GABRQ: variants seen among roughly 807,000 people sequenced by gnomAD.
The protein encoded by GABRQ is gamma-aminobutyric acid receptor subunit theta.
Under a neutral mutation model 30.5 loss-of-function variants are expected in GABRQ, and 19 were observed. The ratio of observed to expected loss-of-function variants is 0.62; its 90% confidence interval spans 0.43 to 0.91. The LOEUF (loss-of-function observed/expected upper bound fraction) is 0.91, where lower values mean the gene tolerates loss of function less well. Among genes scored for constraint, GABRQ ranks in the 40% least tolerant of loss-of-function variants. The pLI is 0.00. For synonymous variants in GABRQ, 187 were observed against 210.2 expected, an observed-to-expected ratio of 0.89 and a Z score of 0.95; for missense variants, 520 against 521.4, an observed-to-expected ratio of 1.00 and a Z score of 0.03.
At chrX:152,644,820 A>G (rs1413057433) in intron 2 of GABRQ, among the ~76,000 whole-genome samples, 2 of 112,118 alleles carry the variant, frequency 1.8e-5, no homozygotes, top group Admixed American at 9.4e-5. Context: ...TCATATGTAT[A>G]TATGTTCACA....
chrX:152,645,541 G>A lies in GABRQ; in HGVS notation c.253G>A (p.Val85Met). The A allele has an allele frequency of 1.8e-6, 2 of 1,128,099 alleles. No individual in the cohort carries two copies. Among genetic ancestry groups the A allele is most frequent in the African/African-American group, 3.5e-5 (2 of 56,383 alleles). 93.0% of individuals were successfully genotyped at this position (1,128,099 alleles called of 1,213,427 possible). The part of the protein sequence containing the change: ...RPNFGGAPVP[V>M]RISIYVTSIE... ...CTGTCTTCTAGGTGCCCCTGTGCCTGTGAGAATATCTATTTATGTCACGAG... is the reference window on the plus strand; with the variant it reads ...CTGTCTTCTAGGTGCCCCTGTGCCTATGAGAATATCTATTTATGTCACGAG... The change falls in exon 3 of 9, where the codon GTG becomes ATG. Residue 85 changes from valine to methionine, a missense_variant. Physicochemically the swap from Val to Met is conservative, Grantham distance 21. Coordinates refer to ENST00000598523, the MANE Select transcript of GABRQ (RefSeq NM_018558.4).
rs782631724 is a variant in GABRQ at position 152,656,856 on chromosome X, G to A, written c.*3575G>A. 3 of 112,179 alleles carry A rather than the reference G, an allele frequency of 2.7e-5. No individual in the cohort carries two copies. Among genetic ancestry groups the A allele is most frequent in the Non-Finnish European group, 5.6e-5 (3 of 53,266 alleles). 9.2% of individuals were successfully genotyped at this position (112,179 alleles called of 1,213,427 possible). A position where few individuals can be genotyped will look rare whatever the true frequency, so the allele number is the denominator to read the frequency against. Reference sequence around the variant, plus strand: ...CCAACATCAAAGGAAATCGTGACTCGTCCTACTAGAAGTGTAGTGTCTTTG... The same window carrying A: ...CCAACATCAAAGGAAATCGTGACTCATCCTACTAGAAGTGTAGTGTCTTTG... On this transcript the variant is annotated 3_prime_UTR_variant, in exon 9 of 9. Transcript: ENST00000598523.
chrX:152,652,709 C>T lies in GABRQ; in HGVS notation c.1327C>T (p.Pro443Ser). The change falls in exon 9 of 9, where the codon CCC becomes TCC. Residue 443 changes from proline to serine, a missense_variant. Transcript: ENST00000598523. ...ACTCACTTCTCTCTCAGGCCAGGCC[C>T]CCCTGGCCACTGGAGAAAGCCTGAG... ...SPLTSLSGQA[P>S]LATGESLSDL... 8.3e-7 allele frequency: 1 copy of T among 1,209,292 alleles called. No homozygotes were observed.
rs1204452472 is a variant in GABRQ, at chrX:152,655,021, C to T, written c.*1740C>T. The T allele has an allele frequency of 8.9e-6, 1 of 112,526 alleles. No homozygotes were observed. Among genetic ancestry groups the T allele is most frequent in the Non-Finnish European group, 1.9e-5 (1 of 53,304 alleles). The allele number at this position is 112,526 out of a possible 1,213,427, so 9.3% of individuals were successfully genotyped here. A position where few individuals can be genotyped will look rare whatever the true frequency, so the allele number is the denominator to read the frequency against. On this transcript the variant is annotated 3_prime_UTR_variant, in exon 9 of 9. Coordinates refer to ENST00000598523, the MANE Select transcript of GABRQ (RefSeq NM_018558.4). ...GATGCATGCGTGTGTGTGCACATCCCTGTGAAAGTGTGGCTTATGTATGTG... is the reference window on the plus strand; with the variant it reads ...GATGCATGCGTGTGTGTGCACATCCTTGTGAAAGTGTGGCTTATGTATGTG...
At chrX:152,640,171 G>GGC (rs1556818117) in intron 1 of GABRQ, among the ~76,000 whole-genome samples, 1 of 67,517 alleles carries the variant, frequency 1.5e-5, no homozygotes, top group African/African-American at 9.3e-5. Flanking sequence ...CTGGGAAGGT[G>GGC]GGGGGGGGAG....
chrX:152,645,122 GACAC>G (rs201892277), intron 2 of GABRQ, among the ~76,000 whole-genome samples: 14,516 of 111,029 alleles, frequency 0.13, 813 homozygotes, highest in Non-Finnish European at 0.18. Flanking sequence ...CTTACACACA[GACAC>G]ACATGTGCTC....
chrX:152,649,230 C>G (rs782717327), intron 4 of GABRQ, 21 bp from the exon 5 acceptor site: 26 of 1,073,776 alleles, frequency 2.4e-5, no homozygotes, highest in East Asian at 1.5e-4. Flanking sequence ...CTTTCTCCTT[C>G]CTTTTTGTTT....
rs1350069024 is a variant in GABRQ, at chrX:152,655,162, A to T, written c.*1881A>T. 1.8e-5 allele frequency: 2 copies of T among 112,676 alleles called. No homozygotes were observed. The highest frequency in any genetic ancestry group is 6.5e-5 in the African/African-American group (2 of 30,961). The allele number at this position is 112,676 out of a possible 1,213,427, so 9.3% of individuals were successfully genotyped here. On this transcript the variant is annotated 3_prime_UTR_variant, in exon 9 of 9. Transcript: ENST00000598523. ...AGGAAATACCCCTGAAAGCATATGTATTCCCTGTTGGTGACCCTTCTAGAA... is the reference window on the plus strand; with the variant it reads ...AGGAAATACCCCTGAAAGCATATGTTTTCCCTGTTGGTGACCCTTCTAGAA...
At chrX:152,638,612 G>C (rs1170953561) in intron 1 of GABRQ, among the ~76,000 whole-genome samples, 1 of 112,107 alleles carries the variant, frequency 8.9e-6, no homozygotes, top group Non-Finnish European at 1.9e-5. Flanking sequence ...TGCCTAAACC[G>C]CAGCCCGAGG....
rs782412200 is a variant in GABRQ at position 152,638,368 on chromosome X, A to T, written c.149+17A>T. On this transcript the variant is annotated intron_variant, in intron 1 of 8. Coordinates refer to ENST00000598523, the MANE Select transcript of GABRQ (RefSeq NM_018558.4). ...CTTCAACTGGTAAGCGGGCACCGCC[A>T]GGCTAGGCACGGCGGGGACGGGAAT... is the stretch of plus-strand genomic sequence containing the variant. The T allele has an allele frequency of 5.0e-6, 6 of 1,203,658 alleles. No homozygotes were observed. The African/African-American group carries it at 1.0e-4, about 21-fold the overall frequency.
At chrX:152,642,286 C>T (rs781899228) in intron 2 of GABRQ, among the ~76,000 whole-genome samples, 2 of 111,791 alleles carry the variant, frequency 1.8e-5, no homozygotes, top group African/African-American at 3.3e-5. Context: ...CTAGACACAG[C>T]GTCAAATTCC....
rs781842464 is a variant in GABRQ at position 152,640,066 on chromosome X, G to A, written c.150-312G>A. 2.7e-5 allele frequency among the ~76,000 whole-genome samples: 3 copies of A among 110,922 alleles called. No individual in the cohort carries two copies. In the Admixed American group the frequency reaches 2.9e-4, roughly 11 times the overall value. On this transcript the variant is annotated intron_variant, in intron 1 of 8. Coordinates refer to ENST00000598523, the MANE Select transcript of GABRQ (RefSeq NM_018558.4). ...GGCTTTCATCTGCCCACTCTTCTTC[G>A]TCTCCCCTTCTCCTACCGCCTCCTC...
rs782445758 is a variant in GABRQ at position 152,651,537 on chromosome X, A to G, written c.913A>G (p.Met305Val). The G allele has an allele frequency of 5.0e-6, 6 of 1,207,455 alleles. No individual in the cohort carries two copies. The East Asian group carries it at 8.9e-5, about 18-fold the overall frequency. ...AARVTIGLTS[M>V]LILTTIDSHL... ...TGTGTTGCTTACAGGCTTAACTTCA[A>G]TGCTCATCCTGACCACCATCGACTC... The change falls in exon 8 of 9, where the codon ATG becomes GTG. Residue 305 changes from methionine to valine, a missense_variant. By Grantham distance (21) the Met-to-Val change is conservative. Coordinates refer to ENST00000598523, the MANE Select transcript of GABRQ (RefSeq NM_018558.4).
At chrX:152,658,041 G>A (rs191285905), downstream of GABRQ, among the ~76,000 whole-genome samples, 8 of 112,131 alleles carry the variant, frequency 7.1e-5, no homozygotes, top group Admixed American at 4.7e-4. Context: ...GTAGAAATAC[G>A]CCAGCTTCTT....
At chrX:152,640,277 A>G (rs995074903) in intron 1 of GABRQ, 101 bp from the exon 2 acceptor site, 52 of 558,201 alleles carry the variant, frequency 9.3e-5, no homozygotes, top group African/African-American at 7.9e-4. Flanking sequence ...ATGACTGGAC[A>G]TGTCTGCGTA....
At chrX:152,640,051 T>C (rs1043505212) in intron 1 of GABRQ, among the ~76,000 whole-genome samples, 3 of 111,359 alleles carry the variant, frequency 2.7e-5, no homozygotes, top group Admixed American at 9.5e-5. Flanking sequence ...GGCTTTCATC[T>C]GCCCACTCTT....
At position 152,656,698 on chromosome X, in the gene GABRQ, T is replaced by C. The variant is rs1474085507; in HGVS notation, c.*3417T>C. 8.9e-6 allele frequency: 1 copy of C among 112,658 alleles called. No individual in the cohort carries two copies. Among genetic ancestry groups the C allele is most frequent in the Non-Finnish European group, 1.9e-5 (1 of 53,372 alleles). The allele number at this position is 112,658 out of a possible 1,213,427, so 9.3% of individuals were successfully genotyped here. A position where few individuals can be genotyped will look rare whatever the true frequency, so the allele number is the denominator to read the frequency against. On this transcript the variant is annotated 3_prime_UTR_variant, in exon 9 of 9. Coordinates refer to ENST00000598523, the MANE Select transcript of GABRQ (RefSeq NM_018558.4). ...TTGCTGAGACTGTGGCCATTCCTAA[T>C]GAGGTTTCCTCATTCCATATATATA...
chrX:152,642,750 G>A (rs1930788507), intron 2 of GABRQ, among the ~76,000 whole-genome samples: 1 of 111,813 alleles, frequency 8.9e-6, no homozygotes, highest in Non-Finnish European at 1.9e-5. Flanking sequence ...TGATGGGCTG[G>A]GGCCACCATC....
At chrX:152,641,632 A>C (rs1930760448) in intron 2 of GABRQ, among the ~76,000 whole-genome samples, 1 of 111,031 alleles carries the variant, frequency 9.0e-6, no homozygotes, top group Admixed American at 9.4e-5. Context: ...GCACAGCCCA[A>C]GGGATTAAAG....
Sources: allele counts gnomAD v4.1 joint callset (sites outside exome capture counted in the v4.1 genomes callset), GRCh38; gene constraint gnomAD v4.1.1; transcripts MANE v1.5; gene names NCBI Gene and HGNC (gene_info 2026-07-23, HGNC 2026-07-21).